The following CNTN4 variants were observed in gnomAD, a reference collection of about 807,000 sequenced individuals.
The protein encoded by CNTN4 is contactin 4.
CNTN4 carries 77 observed loss-of-function variants against 122.5 expected under a neutral mutation model. The observed-to-expected ratio is 0.63, with a 90% CI of 0.52 to 0.76. The LOEUF (loss-of-function observed/expected upper bound fraction) is 0.76, where lower values mean the gene tolerates loss of function less well. Among genes scored for constraint, CNTN4 ranks in the 30% least tolerant of loss-of-function variants. CNTN4 has a pLI of 0.00. For missense variants in CNTN4, 1,256 were observed against 1,259.1 expected (o/e 1.00, Z 0.04); for synonymous variants, 512 against 447.0 (o/e 1.15, Z -1.83).
chr3:2,604,058 T>A (rs933525955), intron 4 of CNTN4, among the ~76,000 whole-genome samples: 3 of 152,206 alleles, frequency 2.0e-5, no homozygotes, highest in Admixed American at 2.0e-4. Context: ...TACAGGCTCT[T>A]AACATTTCTA....
chr3:2,843,047 C>A (rs1056635610), intron 7 of CNTN4, among the ~76,000 whole-genome samples: 1 of 152,132 alleles, frequency 6.6e-6, no homozygotes, highest in African/African-American at 2.4e-5. Context: ...GCCCCTCTCC[C>A]TCCTAAATAC....
intron 2 of CNTN4, among the ~76,000 whole-genome samples, chr3:2,158,141 C>G (rs959678285): frequency 9.2e-5 from 14 of 152,076 alleles, no homozygotes; most frequent in African/African-American, 3.1e-4. Flanking sequence ...CTTTTAAACC[C>G]TGGTAATTAG....
At chr3:2,670,306 T>A (rs1268673245) in intron 4 of CNTN4, among the ~76,000 whole-genome samples, 9 of 152,226 alleles carry the variant, frequency 5.9e-5, no homozygotes, top group Admixed American at 5.9e-4. Flanking sequence ...TTTAGGATAG[T>A]TAGCTCTTCT....
At chr3:2,890,788 A>G (rs2094030260) in intron 10 of CNTN4, among the ~76,000 whole-genome samples, 1 of 152,172 alleles carries the variant, frequency 6.6e-6, no homozygotes, top group African/African-American at 2.4e-5. Context: ...GCAAGTTCAG[A>G]GATAGAACAT....
intron 13 of CNTN4, 29 bp from the exon 14 acceptor site, chr3:2,988,316 C>A: frequency 6.2e-7 from 1 of 1,610,088 alleles, no homozygotes; most frequent in Non-Finnish European, 8.5e-7. Context: ...TAAATTTCAC[C>A]ATTTTTGGTT....
intron 6 of CNTN4, among the ~76,000 whole-genome samples, chr3:2,781,239 A>G (rs1487817494): frequency 1.3e-5 from 2 of 152,342 alleles, no homozygotes; most frequent in Middle Eastern, 3.4e-3. Flanking sequence ...GTCTTTATTC[A>G]TCTATATTCT....
At chr3:2,368,029 CTTTTTTT>C (rs549023861) in intron 3 of CNTN4, among the ~76,000 whole-genome samples, 2 of 109,818 alleles carry the variant, frequency 1.8e-5, no homozygotes, top group African/African-American at 3.8e-5. Flanking sequence ...TAGAAAACTT[CTTTTTTT>C]TTTTTTTTTT....
At chr3:2,294,233 A>G (rs1444206980) in intron 2 of CNTN4, among the ~76,000 whole-genome samples, 2 of 151,000 alleles carry the variant, frequency 1.3e-5, no homozygotes, top group Non-Finnish European at 3.0e-5. Context: ...GACAAAACCT[A>G]TTGATGTCAG....
At chr3:2,258,340 A>G (rs905421713) in intron 2 of CNTN4, among the ~76,000 whole-genome samples, 3 of 152,104 alleles carry the variant, frequency 2.0e-5, no homozygotes, top group African/African-American at 7.2e-5. Flanking sequence ...CTTGGAACCA[A>G]CCCAAATGCC....
chr3:2,169,439 C>G (rs1380469171), intron 2 of CNTN4, among the ~76,000 whole-genome samples: 2 of 142,924 alleles, frequency 1.4e-5, no homozygotes, highest in Non-Finnish European at 3.2e-5. Context: ...CGGAGTCTGG[C>G]TCTGTCACTC....
intron 4 of CNTN4, among the ~76,000 whole-genome samples, chr3:2,573,007 GTA>G (rs527964279): frequency 1.1e-3 from 160 of 152,158 alleles, no homozygotes; most frequent in African/African-American, 3.8e-3. Context: ...TTATTTCACT[GTA>G]TTAACTATGA....
chr3:3,000,880 CTTTTTT>C (rs59337830), intron 14 of CNTN4, among the ~76,000 whole-genome samples: 2 of 131,502 alleles, frequency 1.5e-5, no homozygotes, highest in Non-Finnish European at 3.3e-5. Flanking sequence ...TTCTTTCTTT[CTTTTTT>C]TTTTTTTTTT....
chr3:2,449,650 C>T (rs1298204606), intron 3 of CNTN4, among the ~76,000 whole-genome samples: 1 of 151,106 alleles, frequency 6.6e-6, no homozygotes, highest in African/African-American at 2.4e-5. Flanking sequence ...ACTGCTAGCT[C>T]TTTGAGATCC....
chr3:2,375,258 G>C (rs1161399718), intron 3 of CNTN4, among the ~76,000 whole-genome samples: 1 of 152,182 alleles, frequency 6.6e-6, no homozygotes, highest in African/African-American at 2.4e-5. Context: ...TGTTATGTTA[G>C]AGAAGTGATT....
In CNTN4 at chr3:3,021,761, C is replaced by A. The variant is rs572229370; in HGVS notation, c.1487-4341C>A. Among the ~76,000 whole-genome samples, 30 of 152,182 alleles carry A rather than the reference C, an allele frequency of 2.0e-4. 2 individuals carry two copies. The highest frequency in any genetic ancestry group is 6.8e-3 in the Middle Eastern group (2 of 294). ...GAAATGGAATTCGTATCCTGTGGAC[C>A]CAAAAGCACTTATTTTTGCAGATAA... On this transcript the variant is annotated intron_variant, in intron 14 of 24. Transcript: ENST00000418658.
chr3:2,667,096 G>A (rs1194458466), intron 4 of CNTN4, among the ~76,000 whole-genome samples: 2 of 152,114 alleles, frequency 1.3e-5, no homozygotes, highest in African/African-American at 2.4e-5. Flanking sequence ...AATCCTTGGG[G>A]TATATACCTA....
intron 2 of CNTN4, among the ~76,000 whole-genome samples, chr3:2,163,651 A>G (rs1048264805): frequency 1.3e-5 from 2 of 152,140 alleles, no homozygotes; most frequent in African/African-American, 2.4e-5. Flanking sequence ...TCAAGAAAAA[A>G]AAAACTAATA....
At chr3:2,234,985 G>A (rs1575139686) in intron 2 of CNTN4, among the ~76,000 whole-genome samples, 1 of 151,790 alleles carries the variant, frequency 6.6e-6, no homozygotes, top group Non-Finnish European at 1.5e-5. Context: ...TTTTTTTGGG[G>A]AAAAAAAGGC....
intron 4 of CNTN4, among the ~76,000 whole-genome samples, chr3:2,699,194 G>C (rs1310730281): frequency 6.6e-6 from 1 of 152,152 alleles, no homozygotes; most frequent in Non-Finnish European, 1.5e-5. Flanking sequence ...TATAACTTCA[G>C]ATTAATGAGG....
Sources: gnomAD v4.1 joint callset for allele counts (sites outside exome capture counted in the v4.1 genomes callset) on GRCh38, gnomAD v4.1.1 for gene constraint, MANE v1.5 for transcripts, NCBI Gene and HGNC (gene_info 2026-07-23, HGNC 2026-07-21) for gene names.